The following PTN variants were observed in gnomAD, a reference collection of about 807,000 sequenced individuals.
PTN encodes the protein heparin affin regulatory protein.
A neutral mutation model predicts 24.1 loss-of-function variants in PTN; 18 were observed. The ratio of observed to expected loss-of-function variants is 0.75; its 90% confidence interval spans 0.52 to 1.11. PTN has a LOEUF of 1.11. Ranked by LOEUF, PTN falls within the 50% of genes least tolerant of loss-of-function variation. PTN has a pLI of 0.00. For synonymous variants in PTN, 78 were observed against 68.6 expected, an observed-to-expected ratio of 1.14 and a Z score of -0.67; for missense variants, 163 against 198.8, an observed-to-expected ratio of 0.82 and a Z score of 1.08.
intron 1 of PTN, among the ~76,000 whole-genome samples, chr7:137,290,133 A>G (rs1037486628): frequency 3.3e-5 from 5 of 152,138 alleles, no homozygotes; most frequent in Admixed American, 6.6e-5. Context: ...GAGAGCTCCT[A>G]CAGGGAAACT....
intron 1 of PTN, among the ~76,000 whole-genome samples, chr7:137,265,603 T>C (rs1204962827): frequency 1.3e-5 from 2 of 152,200 alleles, no homozygotes; most frequent in Non-Finnish European, 2.9e-5. Flanking sequence ...CTTTGGGATA[T>C]AGCAGAGAGA....
chr7:137,306,450 A>G (rs2128879254), intron 1 of PTN, among the ~76,000 whole-genome samples: 1 of 152,182 alleles, frequency 6.6e-6, no homozygotes, highest in East Asian at 1.9e-4. Flanking sequence ...GTGAGAGGCC[A>G]TCCATACTCA....
rs117386306 is a variant in PTN, at chr7:137,242,751, C to T, written c.451+8479G>A. Among the ~76,000 whole-genome samples, 552 of 152,326 alleles carry T rather than the reference C, an allele frequency of 3.6e-3. 3 individuals are homozygous for T. The highest frequency in any genetic ancestry group is 6.5e-3 in the Non-Finnish European group (442 of 68,030). ...GCCCCTGCTTTAGCTTGGCTCTGCA[C>T]TCCAGTGACAAATACCAGAAGCCTG... On this transcript the variant is annotated intron_variant, in intron 4 of 4. Coordinates refer to ENST00000348225, the MANE Select transcript of PTN (RefSeq NM_002825.7).
At chr7:137,267,192 C>T (rs1408949699) in intron 1 of PTN, among the ~76,000 whole-genome samples, 1 of 152,034 alleles carries the variant, frequency 6.6e-6, no homozygotes. Flanking sequence ...CTCTGACTTT[C>T]CTTTTGCCTT....
At position 137,254,839 on chromosome 7, in the gene PTN, T is replaced by C. The variant is rs754119600; in HGVS notation, c.115+20A>G. On this transcript the variant is annotated intron_variant, in intron 2 of 4. Coordinates refer to ENST00000348225, the MANE Select transcript of PTN (RefSeq NM_002825.7). ...ACATTAATCAATGAAGCATCTTGCC[T>C]TCAGAACCCTACTGCTTACCTGGTT... The C allele has an allele frequency of 1.3e-6, 2 of 1,506,042 alleles. No homozygotes were observed. Among genetic ancestry groups the C allele is most frequent in the South Asian group, 2.6e-5 (2 of 77,888 alleles). The allele number at this position is 1,506,042 out of a possible 1,614,324, so 93.3% of individuals were successfully genotyped here.
At chr7:137,258,595 T>C (rs1483511337) in intron 1 of PTN, among the ~76,000 whole-genome samples, 1 of 152,040 alleles carries the variant, frequency 6.6e-6, no homozygotes, top group Admixed American at 6.6e-5. Flanking sequence ...GAGTAAAGAG[T>C]TTTAAAAATG....
chr7:137,280,098 T>C (rs1327055637), intron 1 of PTN, among the ~76,000 whole-genome samples: 2 of 152,194 alleles, frequency 1.3e-5, no homozygotes, highest in African/African-American at 2.4e-5. Flanking sequence ...AAGTAATGCA[T>C]GCTATGAGCT....
At chr7:137,267,951 AT>A (rs1222938353) in intron 1 of PTN, among the ~76,000 whole-genome samples, 1 of 152,092 alleles carries the variant, frequency 6.6e-6, no homozygotes, top group Non-Finnish European at 1.5e-5. Flanking sequence ...CCCAAGATCA[AT>A]CCTGTCAAGC....
chr7:137,231,510 G>A (rs1808426663), intron 4 of PTN, among the ~76,000 whole-genome samples: 1 of 151,810 alleles, frequency 6.6e-6, no homozygotes, highest in African/African-American at 2.4e-5. Context: ...AACTAGAATT[G>A]AACTATTAAT....
At chr7:137,234,217 T>C (rs1432952586) in intron 4 of PTN, among the ~76,000 whole-genome samples, 1 of 151,992 alleles carries the variant, frequency 6.6e-6, no homozygotes, top group East Asian at 1.9e-4. Context: ...CCATATATTT[T>C]GTAACCTTTC....
At chr7:137,277,590 G>A (rs1315684323) in intron 1 of PTN, among the ~76,000 whole-genome samples, 1 of 152,062 alleles carries the variant, frequency 6.6e-6, no homozygotes, top group Non-Finnish European at 1.5e-5. Flanking sequence ...AATTTTTTGA[G>A]ACAAGGTCTC....
chr7:137,308,950 C>T (rs895785361), intron 1 of PTN, among the ~76,000 whole-genome samples: 1 of 152,050 alleles, frequency 6.6e-6, no homozygotes, highest in Admixed American at 6.6e-5. Flanking sequence ...GTTCAAATGA[C>T]CATTTGATGT....
At chr7:137,283,382 C>T in intron 1 of PTN, among the ~76,000 whole-genome samples, 1 of 151,982 alleles carries the variant, frequency 6.6e-6, no homozygotes, top group East Asian at 1.9e-4. Context: ...TCATACAACT[C>T]CAGCTTTCAT....
At position 137,342,527 on chromosome 7, in the gene PTN, CTG is replaced by C. The variant is rs4032309; in HGVS notation, c.-2+910_-2+911del. On this transcript the variant is annotated intron_variant, in intron 1 of 4. Coordinates refer to ENST00000348225, the MANE Select transcript of PTN (RefSeq NM_002825.7). ...GTATATAAACTGCATGTGTGTGTTC[CTG>C]TGTGTGTGTGTGTGTGTGTTGTGTC... Among the ~76,000 whole-genome samples, 261 of 150,614 alleles carry C rather than the reference CTG, an allele frequency of 1.7e-3. 1 individual carries two copies. In the Middle Eastern group the frequency reaches 0.017, roughly 10 times the overall value.
Position 137,321,369 on chromosome 7 carries a change from T to C in PTN, c.-2+22070A>G, listed in dbSNP as rs142974689. ...CATCTTTCTTTGGCTTTAATACCGT[T>C]TTTAACCACATCTTTTATATTGACT... On this transcript the variant is annotated intron_variant, in intron 1 of 4. Transcript: ENST00000348225. Among the ~76,000 whole-genome samples, 49 of 152,302 alleles carry C rather than the reference T, an allele frequency of 3.2e-4. 2 individuals carry two copies. The East Asian group carries it at 9.1e-3, about 28-fold the overall frequency.
intron 1 of PTN, among the ~76,000 whole-genome samples, chr7:137,306,486 T>C (rs1279010642): frequency 1.3e-5 from 2 of 151,994 alleles, no homozygotes; most frequent in African/African-American, 4.8e-5. Flanking sequence ...ATAAATCAAA[T>C]GCCCTGGCTG....
chr7:137,304,882 A>G (rs897676033), intron 1 of PTN, among the ~76,000 whole-genome samples: 5 of 152,044 alleles, frequency 3.3e-5, no homozygotes, highest in African/African-American at 9.7e-5. Flanking sequence ...GTTGGGAACT[A>G]AGGACTCCCA....
rs1463469035 is a variant in PTN at position 137,310,571 on chromosome 7, T to C, written c.-2+32868A>G. Among the ~76,000 whole-genome samples the C allele has an allele frequency of 2.0e-5, 3 of 151,900 alleles. No individual in the cohort carries two copies. The South Asian group carries it at 6.3e-4, about 32-fold the overall frequency. On this transcript the variant is annotated intron_variant, in intron 1 of 4. Transcript: ENST00000348225. ...CGCCACCATGCCCAGCTAATTTTTC[T>C]TTTTTTGTATTTTTAGTAGAGACGG... is the stretch of plus-strand genomic sequence containing the variant.
chr7:137,314,213 C>T (rs1441008913), intron 1 of PTN, among the ~76,000 whole-genome samples: 1 of 152,108 alleles, frequency 6.6e-6, no homozygotes, highest in Non-Finnish European at 1.5e-5. Flanking sequence ...CCCTAAAAGA[C>T]ACAGCCCCAA....
Sources: allele counts gnomAD v4.1 joint callset (sites outside exome capture counted in the v4.1 genomes callset), GRCh38; gene constraint gnomAD v4.1.1; transcripts MANE v1.5; gene names NCBI Gene and HGNC (gene_info 2026-07-23, HGNC 2026-07-21).